SH3KBP1: variants seen among roughly 807,000 people sequenced by gnomAD.
The protein encoded by SH3KBP1 is SH3 domain-containing kinase-binding protein 1.
A neutral mutation model predicts 50.1 loss-of-function variants in SH3KBP1; 8 were observed. The observed-to-expected ratio is 0.16, with a 90% confidence interval of 0.09 to 0.29. The LOEUF is 0.29. Ranked by LOEUF, SH3KBP1 falls within the 10% of genes least tolerant of loss-of-function variation. The pLI is 1.00. For synonymous variants in SH3KBP1, 227 were observed against 218.6 expected (o/e 1.04, Z -0.34); for missense variants, 377 against 535.2 (o/e 0.70, Z 2.92).
At chrX:19,548,583 A>G (rs5955567) in intron 14 of SH3KBP1, among the ~76,000 whole-genome samples, 35,715 of 110,080 alleles carry the variant, frequency 0.32, 5,838 homozygotes, top group African/African-American at 0.63. Context: ...TAGGTTTTTC[A>G]TACTAAGAGG....
intron 7 of SH3KBP1, among the ~76,000 whole-genome samples, chrX:19,641,545 G>T (rs1211434842): frequency 8.9e-6 from 1 of 112,107 alleles, no homozygotes; most frequent in Admixed American, 9.4e-5. Flanking sequence ...GTAAGCAAGT[G>T]TTTCAAACAT....
intron 8 of SH3KBP1, among the ~76,000 whole-genome samples, chrX:19,614,260 C>T (rs757413237): frequency 8.9e-6 from 1 of 112,778 alleles, no homozygotes; most frequent in East Asian, 2.8e-4. Flanking sequence ...GTAACCTGGC[C>T]GAAGTGCTCC....
At position 19,549,966 on chromosome X, in the gene SH3KBP1, A is replaced by G; in HGVS notation, c.1494+8T>C. ...GTAAGGGAACATACAGTTTGAGGAG[A>G]CACTTACAGATGTGAGGGACTGGGA... On this transcript the variant is annotated splice_region_variant and intron_variant, in intron 14 of 17. Transcript: ENST00000397821. 1.8e-6 allele frequency: 2 copies of G among 1,132,751 alleles called. No individual in the cohort carries two copies. The highest frequency in any genetic ancestry group is 2.4e-6 in the Non-Finnish European group (2 of 826,215). 93.4% of individuals were successfully genotyped at this position (1,132,751 alleles called of 1,213,427 possible).
intron 2 of SH3KBP1, among the ~76,000 whole-genome samples, chrX:19,813,188 A>AAGG (rs1569479890): frequency 1.8e-5 from 2 of 109,489 alleles, no homozygotes; most frequent in African/African-American, 6.7e-5. Context: ...GAAGAAGAAG[A>AAGG]AGGAAAGAAC....
At chrX:19,721,638 C>T (rs1170616317) in intron 3 of SH3KBP1, among the ~76,000 whole-genome samples, 1 of 111,392 alleles carries the variant, frequency 9.0e-6, no homozygotes, top group African/African-American at 3.3e-5. Context: ...CAGGCTTCAC[C>T]AGACTGGCAA....
At chrX:19,884,554 CT>C (rs1272590572) in intron 1 of SH3KBP1, among the ~76,000 whole-genome samples, 1 of 112,269 alleles carries the variant, frequency 8.9e-6, no homozygotes, top group Non-Finnish European at 1.9e-5. Flanking sequence ...AGGTGGGAGC[CT>C]TTTCTTCCAT....
chrX:19,591,324 G>A (rs2066742867), intron 11 of SH3KBP1, among the ~76,000 whole-genome samples: 1 of 112,087 alleles, frequency 8.9e-6, no homozygotes, highest in African/African-American at 3.2e-5. Flanking sequence ...CCATAAAAAT[G>A]TGTGATCAAT....
intron 12 of SH3KBP1, among the ~76,000 whole-genome samples, chrX:19,570,071 G>A (rs2065962471): frequency 8.9e-6 from 1 of 112,219 alleles, no homozygotes; most frequent in Non-Finnish European, 1.9e-5. Context: ...ATGGCCTGAA[G>A]TTACACCTCA....
At chrX:19,621,837 T>C (rs954770858) in intron 8 of SH3KBP1, among the ~76,000 whole-genome samples, 1 of 111,381 alleles carries the variant, frequency 9.0e-6, no homozygotes, top group Middle Eastern at 4.6e-3. Flanking sequence ...TGTTCTAGGA[T>C]ATGAGGATCC....
At chrX:19,673,751 C>T (rs2062858759) in intron 6 of SH3KBP1, among the ~76,000 whole-genome samples, 1 of 111,613 alleles carries the variant, frequency 9.0e-6, no homozygotes, top group Non-Finnish European at 1.9e-5. Context: ...ACTTGCCCAC[C>T]CACCCAGAAG....
intron 5 of SH3KBP1, among the ~76,000 whole-genome samples, chrX:19,691,570 A>G (rs1329767004): frequency 9.2e-6 from 1 of 109,202 alleles, no homozygotes; most frequent in Non-Finnish European, 1.9e-5. Flanking sequence ...GTGAGAAATT[A>G]ATAGACAAAG....
intron 2 of SH3KBP1, among the ~76,000 whole-genome samples, chrX:19,777,082 C>T (rs1027644668): frequency 8.9e-6 from 1 of 111,758 alleles, no homozygotes; most frequent in Non-Finnish European, 1.9e-5. Context: ...CCCTCTCCAG[C>T]TGCCATCAGT....
intron 2 of SH3KBP1, among the ~76,000 whole-genome samples, chrX:19,775,192 T>C (rs2065936101): frequency 9.0e-6 from 1 of 111,380 alleles, no homozygotes; most frequent in Non-Finnish European, 1.9e-5. Context: ...AATTCTGAAA[T>C]TGAGGCCCTG....
At chrX:19,634,031 G>GGTGTGT (rs60109180) in intron 7 of SH3KBP1, among the ~76,000 whole-genome samples, 399 of 32,140 alleles carry the variant, frequency 0.012, 4 homozygotes, top group African/African-American at 0.022. Context: ...TTTGTTCCCT[G>GGTGTGT]GTGTGTGTGT....
At position 19,637,022 on chromosome X, in the gene SH3KBP1, C is replaced by T. The variant is rs368115997; in HGVS notation, c.803-5064G>A. Among the ~76,000 whole-genome samples, 9 of 112,600 alleles carry T rather than the reference C, an allele frequency of 8.0e-5. No individual in the cohort carries two copies. In the East Asian group the frequency reaches 8.3e-4, roughly 10 times the overall value. On this transcript the variant is annotated intron_variant, in intron 7 of 17. Coordinates refer to ENST00000397821, the MANE Select transcript of SH3KBP1 (RefSeq NM_031892.3). Reference sequence around the variant, plus strand: ...CATCATAATCAGAAATTCTCTCGTTCAACTGACAAATATTATCTCAGACAC... The same window carrying T: ...CATCATAATCAGAAATTCTCTCGTTTAACTGACAAATATTATCTCAGACAC...
At chrX:19,658,670 TTCCCGTACCTCAGCC>T (rs756118651) in intron 6 of SH3KBP1, among the ~76,000 whole-genome samples, 11 of 108,483 alleles carry the variant, frequency 1.0e-4, no homozygotes, top group Non-Finnish European at 1.5e-4. Context: ...GTTCAAGTGA[TTCCCGTACCTCAGCC>T]TCCCGAGTAG....
chrX:19,810,526 G>A (rs1286008823), intron 2 of SH3KBP1, among the ~76,000 whole-genome samples: 1 of 111,798 alleles, frequency 8.9e-6, no homozygotes, highest in Non-Finnish European at 1.9e-5. Flanking sequence ...ACTTCACCCT[G>A]CCTGAGAACC....
At chrX:19,736,349 AG>A (rs2148787828) in intron 3 of SH3KBP1, among the ~76,000 whole-genome samples, 1 of 112,318 alleles carries the variant, frequency 8.9e-6, no homozygotes, top group African/African-American at 3.2e-5. Context: ...CTGGAAACAC[AG>A]GGGGAATCTG....
chrX:19,727,013 A>G (rs1369010634), intron 3 of SH3KBP1, among the ~76,000 whole-genome samples: 3 of 112,547 alleles, frequency 2.7e-5, no homozygotes, highest in Non-Finnish European at 5.6e-5. Context: ...GCTTCTCAAG[A>G]AACACACACA....
Sources: gnomAD v4.1 joint callset for allele counts (sites outside exome capture counted in the v4.1 genomes callset) on GRCh38, gnomAD v4.1.1 for gene constraint, MANE v1.5 for transcripts, NCBI Gene and HGNC (gene_info 2026-07-23, HGNC 2026-07-21) for gene names.